Variants in CABIN1 observed in about 807,000 individuals in gnomAD.
CABIN1 encodes the protein calcineurin-binding protein cabin-1.
A neutral mutation model predicts 227.7 loss-of-function variants in CABIN1; 133 were observed. The ratio of observed to expected loss-of-function variants is 0.58; its 90% confidence interval spans 0.51 to 0.67. CABIN1 has a LOEUF of 0.67. CABIN1 is among the 30% of genes least tolerant of loss of function. The pLI is 0.00. For synonymous variants in CABIN1, 1,086 were observed against 1,155.1 expected, an observed-to-expected ratio of 0.94 and a Z score of 1.21; for missense variants, 2,408 against 2,852.5, an observed-to-expected ratio of 0.84 and a Z score of 3.55.
At chr22:24,114,058 T>TTTGTTGTTG (rs695681) in intron 27 of CABIN1, among the ~76,000 whole-genome samples, 2 of 151,712 alleles carry the variant, frequency 1.3e-5, no homozygotes, top group East Asian at 1.9e-4. Flanking sequence ...GTGCTCTGTT[T>TTTGTTGTTG]TTGTTGTTGT....
chr22:24,073,490 C>G (rs534884048), intron 18 of CABIN1, among the ~76,000 whole-genome samples: 2 of 152,316 alleles, frequency 1.3e-5, no homozygotes, highest in African/African-American at 4.8e-5. Flanking sequence ...TTTTCTCCTT[C>G]CCTTCACATT....
intron 23 of CABIN1, among the ~76,000 whole-genome samples, chr22:24,090,142 T>C (rs1569197492): frequency 6.6e-6 from 1 of 152,212 alleles, no homozygotes; most frequent in Non-Finnish European, 1.5e-5. Context: ...GACAGGGACA[T>C]TGGCATTGTG....
intron 26 of CABIN1, among the ~76,000 whole-genome samples, chr22:24,099,593 C>T (rs534228733): frequency 6.6e-6 from 1 of 152,282 alleles, no homozygotes; most frequent in Non-Finnish European, 1.5e-5. Flanking sequence ...CTCTCCCCTT[C>T]TTAGTTAAGT....
At chr22:24,095,665 T>C (rs1265209882) in intron 24 of CABIN1, among the ~76,000 whole-genome samples, 3 of 152,218 alleles carry the variant, frequency 2.0e-5, no homozygotes, top group Admixed American at 2.0e-4. Flanking sequence ...GTTATCATAA[T>C]GAGTGGTTAT....
At chr22:24,119,270 A>T in intron 27 of CABIN1, 97 bp from the exon 28 acceptor site, 10 of 1,040,744 alleles carry the variant, frequency 9.6e-6, no homozygotes, top group Non-Finnish European at 1.5e-5. Flanking sequence ...AGCCGTGCTG[A>T]TCACTTCACC....
intron 3 of CABIN1, among the ~76,000 whole-genome samples, chr22:24,036,491 A>G (rs1285604558): frequency 6.6e-6 from 1 of 152,256 alleles, no homozygotes; most frequent in African/African-American, 2.4e-5. Flanking sequence ...TTAATGGTAG[A>G]TGGTGTTTCG....
At chr22:24,033,159 A>G (rs1340074992) in intron 1 of CABIN1, among the ~76,000 whole-genome samples, 1 of 152,216 alleles carries the variant, frequency 6.6e-6, no homozygotes, top group Non-Finnish European at 1.5e-5. Flanking sequence ...TGTGGAACCC[A>G]GGAGATAAAA....
chr22:24,138,710 C>A (rs2148286393), intron 29 of CABIN1, among the ~76,000 whole-genome samples: 1 of 152,304 alleles, frequency 6.6e-6, no homozygotes, highest in South Asian at 2.1e-4. Flanking sequence ...CAGGAGCTTC[C>A]ATGTATTTAG....
intron 6 of CABIN1, among the ~76,000 whole-genome samples, chr22:24,047,645 G>T (rs2037998754): frequency 6.6e-6 from 1 of 152,250 alleles, no homozygotes; most frequent in African/African-American, 2.4e-5. Flanking sequence ...TGGCCCTGCT[G>T]AGCATTGTGG....
intron 34 of CABIN1, 107 bp downstream of exon 34, chr22:24,172,102 G>A (rs1163288789): frequency 1.5e-5 from 20 of 1,347,196 alleles, no homozygotes; most frequent in South Asian, 5.2e-5. Flanking sequence ...GTGCCCTCCC[G>A]CCCAGTCGAT....
intron 10 of CABIN1, among the ~76,000 whole-genome samples, chr22:24,057,045 T>A (rs972808816): frequency 1.3e-5 from 2 of 152,122 alleles, no homozygotes; most frequent in African/African-American, 4.8e-5. Flanking sequence ...CATGCCATTC[T>A]CCTGCCTCAG....
chr22:24,051,381 C>G (rs1299425636), intron 8 of CABIN1, among the ~76,000 whole-genome samples: 2 of 151,968 alleles, frequency 1.3e-5, no homozygotes, highest in Non-Finnish European at 1.5e-5. Flanking sequence ...GCTCTCAAGT[C>G]CATGTTTTCT....
chr22:24,065,424 C>T lies in CABIN1; in HGVS notation c.2037+1237C>T, dbSNP rs1474129346. On this transcript the variant is annotated intron_variant, in intron 15 of 36. Coordinates refer to ENST00000263119, the MANE Select transcript of CABIN1 (RefSeq NM_012295.4). ...CCCAGATGGGGCGGCGGGGCAGAGG[C>T]GCTCCCCACATCTCAGACGATGGGC... 4.7e-5 allele frequency among the ~76,000 whole-genome samples: 7 copies of T among 148,654 alleles called. No homozygotes were observed. The South Asian group carries it at 6.5e-4, about 14-fold the overall frequency.
chr22:24,124,808 G>C (rs558111630), intron 28 of CABIN1, among the ~76,000 whole-genome samples: 1 of 152,284 alleles, frequency 6.6e-6, no homozygotes, highest in East Asian at 1.9e-4. Context: ...GCTCAGCTGG[G>C]AGCTGAGCCC....
intron 33 of CABIN1, 29 bp from the exon 34 acceptor site, chr22:24,171,684 C>T (rs755860878): frequency 1.2e-6 from 2 of 1,613,668 alleles, no homozygotes; most frequent in Admixed American, 1.7e-5. Context: ...GCCTAGCCAG[C>T]CTTTCTCACC....
At position 24,040,996 on chromosome 22, in the gene CABIN1, A is replaced by C. The variant is rs1018937963; in HGVS notation, c.211-143A>C. 9 of 901,718 alleles carry C rather than the reference A, an allele frequency of 1.0e-5. No homozygotes were observed. In the African/African-American group the frequency reaches 1.5e-4, roughly 15 times the overall value. The allele number at this position is 901,718 out of a possible 1,614,324, so 55.9% of individuals were successfully genotyped here. A position where few individuals can be genotyped will look rare whatever the true frequency, so the allele number is the denominator to read the frequency against. On this transcript the variant is annotated intron_variant, in intron 4 of 36. Coordinates refer to ENST00000263119, the MANE Select transcript of CABIN1 (RefSeq NM_012295.4). ...GTGGTCTTATAAGAACACATGGTGCAGTGCCTTCATTTTCCAGTGGTGGAC... is the reference window on the plus strand; with the variant it reads ...GTGGTCTTATAAGAACACATGGTGCCGTGCCTTCATTTTCCAGTGGTGGAC...
In CABIN1 at chr22:24,172,628, G is replaced by A. The variant is rs146048920; in HGVS notation, c.6040+633G>A. Among the ~76,000 whole-genome samples, 1,320 of 152,300 alleles carry A rather than the reference G, an allele frequency of 8.7e-3. 6 individuals carry two copies. Among genetic ancestry groups the A allele is most frequent in the Middle Eastern group, 0.027 (8 of 294 alleles). On this transcript the variant is annotated intron_variant, in intron 34 of 36. Coordinates refer to ENST00000263119, the MANE Select transcript of CABIN1 (RefSeq NM_012295.4). ...AGTAGAGGGCCCTGCTGGCCTCATC[G>A]GTGAAAGCTCCTGTTCCTTCTAAAA...
chr22:24,083,912 A>G (rs933086476), intron 20 of CABIN1, among the ~76,000 whole-genome samples: 1 of 152,178 alleles, frequency 6.6e-6, no homozygotes, highest in African/African-American at 2.4e-5. Flanking sequence ...TATTGAGTGT[A>G]TTATCTAATG....
At chr22:24,037,875 C>G (rs2037046010) in intron 3 of CABIN1, among the ~76,000 whole-genome samples, 1 of 151,714 alleles carries the variant, frequency 6.6e-6, no homozygotes, top group Non-Finnish European at 1.5e-5. Flanking sequence ...GGGATTCTCA[C>G]CCCCTACCCC....
Sources: gnomAD v4.1 joint callset for allele counts (sites outside exome capture counted in the v4.1 genomes callset) on GRCh38, gnomAD v4.1.1 for gene constraint, MANE v1.5 for transcripts, NCBI Gene and HGNC (gene_info 2026-07-23, HGNC 2026-07-21) for gene names.